Variants in PILRA observed in about 807,000 individuals in gnomAD.
PILRA encodes paired immunoglobin like type 2 receptor alpha, also known as paired immunoglobulin-like type 2 receptor alpha.
In PILRA, 37 loss-of-function variants were observed where a neutral mutation model predicts 33.1. That is an observed-to-expected ratio of 1.12 (90% CI 0.86 to 1.47). The LOEUF (loss-of-function observed/expected upper bound fraction) is 1.47, where lower values mean the gene tolerates loss of function less well. PILRA is among the 40% of genes most tolerant of loss of function. PILRA has a pLI of 0.00. For missense variants in PILRA, 312 were observed against 376.2 expected, an observed-to-expected ratio of 0.83 and a Z score of 1.41; for synonymous variants, 146 against 149.9, an observed-to-expected ratio of 0.97 and a Z score of 0.19.
chr7:100,388,891 G>T (rs993833904), intron 2 of PILRA, among the ~76,000 whole-genome samples: 1 of 151,510 alleles, frequency 6.6e-6, no homozygotes, highest in African/African-American at 2.4e-5. Flanking sequence ...ATGAGGAGTT[G>T]TTTAACACGT....
At chr7:100,384,320 T>C (rs1006119554) in intron 2 of PILRA, among the ~76,000 whole-genome samples, 2 of 149,920 alleles carry the variant, frequency 1.3e-5, no homozygotes, top group Non-Finnish European at 3.0e-5. Flanking sequence ...TGTGAACAGG[T>C]AGATCTCTGA....
At chr7:100,374,839 G>A (rs537822352) in intron 2 of PILRA, 7 of 290,690 alleles carry the variant, frequency 2.4e-5, no homozygotes, top group Admixed American at 1.4e-4. Context: ...TGGAGTCCCC[G>A]TTAGTGCCTC....
chr7:100,388,366 A>T (rs1349607611), intron 2 of PILRA, among the ~76,000 whole-genome samples: 1 of 152,094 alleles, frequency 6.6e-6, no homozygotes, highest in Non-Finnish European at 1.5e-5. Flanking sequence ...GTGAAGGTCA[A>T]TATATATTAA....
At chr7:100,387,254 C>T (rs932893549) in intron 2 of PILRA, among the ~76,000 whole-genome samples, 6 of 152,212 alleles carry the variant, frequency 3.9e-5, no homozygotes, top group African/African-American at 1.2e-4. Context: ...TGCTCTGTCA[C>T]CCAGGCTGGG....
At chr7:100,381,035 G>A (rs1288351676) in intron 2 of PILRA, among the ~76,000 whole-genome samples, 1 of 152,036 alleles carries the variant, frequency 6.6e-6, no homozygotes, top group African/African-American at 2.4e-5. Context: ...GGGAGGCTGA[G>A]GCGGGTGGAT....
intron 2 of PILRA, among the ~76,000 whole-genome samples, chr7:100,380,722 T>C (rs1019205677): frequency 1.3e-5 from 2 of 152,152 alleles, no homozygotes; most frequent in African/African-American, 2.4e-5. Context: ...TCCCAGCAGT[T>C]TGGTAGGCCG....
At chr7:100,398,952 T>A (rs878976926) in intron 4 of PILRA, among the ~76,000 whole-genome samples, 2 of 151,656 alleles carry the variant, frequency 1.3e-5, no homozygotes, top group African/African-American at 4.8e-5. Flanking sequence ...TTTTTTTTTT[T>A]AATTTTTGAG....
chr7:100,397,587 C>T (rs1272446261), intron 3 of PILRA, among the ~76,000 whole-genome samples: 2 of 151,690 alleles, frequency 1.3e-5, no homozygotes, highest in African/African-American at 2.4e-5. Flanking sequence ...GAGGGCTCAG[C>T]GGTGGAGGGA....
chr7:100,383,275 A>C (rs1356966552), intron 2 of PILRA, among the ~76,000 whole-genome samples: 1 of 152,098 alleles, frequency 6.6e-6, no homozygotes, highest in African/African-American at 2.4e-5. Context: ...TGTAGAGAGG[A>C]ACTGTGGCCT....
At chr7:100,390,194 G>A in intron 3 of PILRA, 88 bp downstream of exon 3, 1 of 1,170,884 alleles carries the variant, frequency 8.5e-7, no homozygotes, top group Non-Finnish European at 1.3e-6. Flanking sequence ...CCTGAAATAT[G>A]CAGACCCTGC....
intron 2 of PILRA, among the ~76,000 whole-genome samples, chr7:100,379,143 C>A (rs1447538492): frequency 1.3e-5 from 2 of 150,284 alleles, no homozygotes; most frequent in Non-Finnish European, 3.0e-5. Context: ...GTGGTTTCTG[C>A]CTGTAATCCC....
chr7:100,376,488 T>TG (rs1019859747), intron 2 of PILRA: 6 of 150,736 alleles, frequency 4.0e-5, no homozygotes, highest in African/African-American at 1.2e-4. Flanking sequence ...AAGTGTTTTT[T>TG]TTTTTTTTTT....
rs763121731 is a variant in PILRA at position 100,399,336 on chromosome 7, T to C, written c.753T>C (p.Asn251=). The C allele has an allele frequency of 2.6e-5, 42 of 1,611,756 alleles. No homozygotes were observed. Among genetic ancestry groups the C allele is most frequent in the Non-Finnish European group, 3.4e-5 (40 of 1,178,066 alleles). Residue 251 remains asparagine, a synonymous_variant, in exon 5 of 7, where the codon AAT becomes AAC. Coordinates refer to ENST00000198536, the MANE Select transcript of PILRA (RefSeq NM_013439.3). ...AGGAGCCATATGAGAATATCAGGAA[T>C]GAAGGTGAGTCCTTACCACCATCCT... is the stretch of plus-strand genomic sequence containing the variant. ...NTEEPYENIR[N]EGQNTDPKLN...
intron 4 of PILRA, 101 bp downstream of exon 4, chr7:100,398,013 A>G: frequency 8.5e-7 from 1 of 1,181,588 alleles, no homozygotes; most frequent in South Asian, 1.3e-5. Flanking sequence ...CCACAAACCC[A>G]GCCTGCCACG....
chr7:100,388,856 G>A (rs1423129864), intron 2 of PILRA, among the ~76,000 whole-genome samples: 1 of 151,902 alleles, frequency 6.6e-6, no homozygotes, highest in Non-Finnish European at 1.5e-5. Context: ...AGAAAGTAGA[G>A]GGGTAGAAGG....
intron 2 of PILRA, among the ~76,000 whole-genome samples, chr7:100,375,470 GC>G (rs1790922539): frequency 6.6e-6 from 1 of 152,196 alleles, no homozygotes; most frequent in Non-Finnish European, 1.5e-5. Context: ...GGTGGCTGAC[GC>G]CTGTAATCAC....
At chr7:100,381,444 CAAAAAAAA>C (rs60123996) in intron 2 of PILRA, among the ~76,000 whole-genome samples, 16 of 82,074 alleles carry the variant, frequency 1.9e-4, no homozygotes, top group Admixed American at 1.8e-3. Flanking sequence ...GATCCTGACT[CAAAAAAAA>C]AAAAAAAAAA....
rs1342415315 is a variant in PILRA at position 100,391,184 on chromosome 7, AATT to A, written c.673+1101_673+1103del. 4.9e-3 allele frequency among the ~76,000 whole-genome samples: 596 copies of A among 122,008 alleles called. 4 individuals carry two copies. Among genetic ancestry groups the A allele is most frequent in the African/African-American group, 0.014 (468 of 34,548 alleles). 80.0% of individuals were successfully genotyped at this position (122,008 alleles called of 152,430 possible). ...TAATAACAATAATAATAATAATAAT[AATT>A]ATTATTATTATTATTATTATTAGCT... On this transcript the variant is annotated intron_variant, in intron 3 of 6. Coordinates refer to ENST00000198536, the MANE Select transcript of PILRA (RefSeq NM_013439.3).
At chr7:100,373,741 A>C in intron 1 of PILRA, 21 bp downstream of exon 1, 3 of 1,612,490 alleles carry the variant, frequency 1.9e-6, no homozygotes, top group Non-Finnish European at 1.7e-6. Flanking sequence ...AGGACCACCC[A>C]GATGTGGGCT....
Sources: gnomAD v4.1 joint callset for allele counts (sites outside exome capture counted in the v4.1 genomes callset) on GRCh38, gnomAD v4.1.1 for gene constraint, MANE v1.5 for transcripts, NCBI Gene and HGNC (gene_info 2026-07-23, HGNC 2026-07-21) for gene names.